The following CRYZL1 variants were observed in gnomAD, a reference collection of about 807,000 sequenced individuals.
CRYZL1 encodes ferry endosomal RAB5 effector complex subunit 4.
In CRYZL1, 34 loss-of-function variants were observed where a neutral mutation model predicts 50.6. The observed-to-expected ratio is 0.67, with a 90% CI of 0.51 to 0.89. The LOEUF (loss-of-function observed/expected upper bound fraction) is 0.89. CRYZL1 is among the 40% of genes least tolerant of loss of function. The pLI is 0.00. For missense variants in CRYZL1, 354 were observed against 402.3 expected (o/e 0.88, Z 1.03); for synonymous variants, 125 against 134.3 (o/e 0.93, Z 0.48).
intron 3 of CRYZL1, 43 bp downstream of exon 3, chr21:33,624,640 G>C (rs369128909): frequency 3.1e-6 from 5 of 1,602,678 alleles, no homozygotes; most frequent in Non-Finnish European, 3.4e-6. Flanking sequence ...AATACACTAA[G>C]AAACTCTCAT....
intron 3 of CRYZL1, among the ~76,000 whole-genome samples, chr21:33,623,086 C>T (rs961630553): frequency 1.3e-5 from 2 of 151,870 alleles, no homozygotes; most frequent in Admixed American, 6.6e-5. Context: ...CTGCCTCAGC[C>T]TCCTGAGTAG....
At chr21:33,619,988 C>T (rs1006640408) in intron 4 of CRYZL1, among the ~76,000 whole-genome samples, 4 of 152,200 alleles carry the variant, frequency 2.6e-5, no homozygotes, top group African/African-American at 9.6e-5. Flanking sequence ...ATTTGTCTCT[C>T]CCCTAGAGAG....
intron 10 of CRYZL1, 163 bp from the exon 11 acceptor site, chr21:33,595,999 T>C (rs1333842427): frequency 4.8e-6 from 3 of 629,902 alleles, no homozygotes; most frequent in African/African-American, 3.7e-5. Context: ...TTCTATTTCA[T>C]GGTCCAAAAT....
rs925186710 is a variant in CRYZL1, at chr21:33,597,683, G to C, written c.677-282C>G. On this transcript the variant is annotated intron_variant, in intron 9 of 12. Coordinates refer to ENST00000381554, the MANE Select transcript of CRYZL1 (RefSeq NM_145858.3). ...GCTGGAGTGCAGTGGCGCGATCTAG[G>C]CTCACTGCAAGCTCCGCCTCCCGGG... is the stretch of plus-strand genomic sequence containing the variant. 2.0e-5 allele frequency among the ~76,000 whole-genome samples: 3 copies of C among 152,124 alleles called. No homozygotes were observed. The East Asian group carries it at 5.8e-4, about 29-fold the overall frequency.
chr21:33,605,527 A>ATTATTTTTTTTTTTTTTTTTTTTTTT (rs1555904645), intron 6 of CRYZL1, among the ~76,000 whole-genome samples: 1 of 14,840 alleles, frequency 6.7e-5, no homozygotes, highest in African/African-American at 4.1e-4. Context: ...CAGTACAAGA[A>ATTATTTTTTTTTTTTTTTTTTTTTTT]TTCTTTTTTT....
At chr21:33,621,061 T>A (rs1601343165) in intron 4 of CRYZL1, among the ~76,000 whole-genome samples, 1 of 146,952 alleles carries the variant, frequency 6.8e-6, no homozygotes, top group Non-Finnish European at 1.5e-5. Context: ...GCCCGCCACC[T>A]CGCCCGGCTA....
At chr21:33,611,733 G>C (rs2086874795) in intron 6 of CRYZL1, among the ~76,000 whole-genome samples, 1 of 152,214 alleles carries the variant, frequency 6.6e-6, no homozygotes, top group Non-Finnish European at 1.5e-5. Flanking sequence ...TATGCTGGCT[G>C]TACCACTGGA....
intron 3 of CRYZL1, 56 bp from the exon 4 acceptor site, chr21:33,622,124 A>G: frequency 2.2e-6 from 3 of 1,343,618 alleles, no homozygotes; most frequent in South Asian, 1.2e-5. Flanking sequence ...CCTGGACTCC[A>G]TTATATATGA....
At chr21:33,637,399 C>A (rs556990965) in intron 1 of CRYZL1, among the ~76,000 whole-genome samples, 1 of 149,692 alleles carries the variant, frequency 6.7e-6, no homozygotes, top group Non-Finnish European at 1.5e-5. Context: ...GAGCCGAGAT[C>A]GCGCCACTGC....
chr21:33,591,297 CTT>C lies in CRYZL1; in HGVS notation c.905-92_905-91del, dbSNP rs560241761. On this transcript the variant is annotated intron_variant, in intron 11 of 12. Transcript: ENST00000381554. The stretch of plus-strand genomic sequence containing the variant: ...GAGGATGCCAGGCAGGCCACTTTCT[CTT>C]GTTTCAAGTTTTGCACTCTCAGAGA... The C allele has an allele frequency of 2.7e-3, 2,919 of 1,065,898 alleles. 7 individuals are homozygous for C. Among genetic ancestry groups the C allele is most frequent in the Non-Finnish European group, 3.6e-3 (2,509 of 691,076 alleles). The allele number at this position is 1,065,898 out of a possible 1,614,324, so 66.0% of individuals were successfully genotyped here. A position where few individuals can be genotyped will look rare whatever the true frequency, so the allele number is the denominator to read the frequency against.
At chr21:33,632,440 C>T (rs985189771) in intron 1 of CRYZL1, among the ~76,000 whole-genome samples, 1 of 151,786 alleles carries the variant, frequency 6.6e-6, no homozygotes, top group East Asian at 1.9e-4. Context: ...TGTAGTGGCA[C>T]GATCTTGGCT....
At chr21:33,627,866 TC>T (rs2087086752) in intron 2 of CRYZL1, among the ~76,000 whole-genome samples, 1 of 149,730 alleles carries the variant, frequency 6.7e-6, no homozygotes, top group Non-Finnish European at 1.5e-5. Context: ...TGCCTCAGCC[TC>T]CTGAGTAGCT....
intron 6 of CRYZL1, among the ~76,000 whole-genome samples, chr21:33,604,737 C>T (rs1367171051): frequency 1.3e-5 from 2 of 152,098 alleles, no homozygotes; most frequent in Admixed American, 6.6e-5. Context: ...TTTGCTTACC[C>T]ATTGTTTAGC....
At chr21:33,640,776 T>C (rs2087287805) in intron 1 of CRYZL1, among the ~76,000 whole-genome samples, 1 of 152,210 alleles carries the variant, frequency 6.6e-6, no homozygotes, top group South Asian at 2.1e-4. Context: ...TCCAACTGTG[T>C]CTAGTCGGAA....
At chr21:33,619,834 A>C (rs564397997) in intron 4 of CRYZL1, among the ~76,000 whole-genome samples, 1 of 152,354 alleles carries the variant, frequency 6.6e-6, no homozygotes, top group South Asian at 2.1e-4. Context: ...GTCTTTGCTC[A>C]TAATATCCTC....
chr21:33,620,960 C>T (rs2086991618), intron 4 of CRYZL1, among the ~76,000 whole-genome samples: 1 of 11,324 alleles, frequency 8.8e-5, no homozygotes, highest in Non-Finnish European at 1.7e-4. Flanking sequence ...GGCTGGAGTG[C>T]AGTGGCGCAA....
intron 12 of CRYZL1, 138 bp downstream of exon 12, chr21:33,591,024 A>G: frequency 1.5e-6 from 1 of 689,122 alleles, no homozygotes; most frequent in Middle Eastern, 2.5e-4. Context: ...AACCACAATT[A>G]TGTTTGCACC....
At chr21:33,594,274 C>T (rs1012424386) in intron 11 of CRYZL1, among the ~76,000 whole-genome samples, 1 of 151,554 alleles carries the variant, frequency 6.6e-6, no homozygotes, top group Admixed American at 6.6e-5. Flanking sequence ...CTGCCTCAGC[C>T]TCTGGAGTAG....
chr21:33,595,428 T>A, intron 11 of CRYZL1: 1 of 1,354,464 alleles, frequency 7.4e-7, no homozygotes, highest in Non-Finnish European at 9.8e-7. Context: ...AGGGCTCATC[T>A]CTGTTCAGAA....
Sources: gnomAD v4.1 joint callset for allele counts (sites outside exome capture counted in the v4.1 genomes callset) on GRCh38, gnomAD v4.1.1 for gene constraint, MANE v1.5 for transcripts, NCBI Gene and HGNC (gene_info 2026-07-23, HGNC 2026-07-21) for gene names.